The following P2RX2 variants were observed in gnomAD, a reference collection of about 807,000 sequenced individuals.
The protein encoded by P2RX2 is purinergic receptor P2X 2, also known as P2X purinoceptor 2.
In P2RX2, 50 loss-of-function variants were observed where a neutral mutation model predicts 54.8. That is an observed-to-expected ratio of 0.91 (90% CI 0.73 to 1.15). P2RX2 has a LOEUF of 1.15. Among genes scored for constraint, P2RX2 ranks in the 50% most tolerant of loss-of-function variants. P2RX2 has a pLI of 0.00. For missense variants in P2RX2, 658 were observed against 633.2 expected (o/e 1.04, Z -0.42); for synonymous variants, 289 against 259.4 (o/e 1.11, Z -1.09).
In P2RX2 at chr12:132,621,945, A is replaced by G; in HGVS notation, c.1389A>G (p.Thr463=). 6.2e-7 allele frequency: 1 copy of G among 1,613,798 alleles called. No individual in the cohort carries two copies. Among genetic ancestry groups the G allele is most frequent in the Non-Finnish European group, 8.5e-7 (1 of 1,180,022 alleles). The part of the protein sequence containing the change: ...ASEPAQASTP[T]DPKGLAQL The stretch of plus-strand genomic sequence containing the variant: ...AGCCTGCCCAAGCCTCCACACCCAC[A>G]GACCCCAAAGGTTTGGCTCAACTCT... The change falls in exon 11 of 11, where the codon ACA becomes ACG. Residue 463 remains threonine, a synonymous_variant. Coordinates refer to ENST00000643471, the MANE Select transcript of P2RX2 (RefSeq NM_170682.4).
Position 132,621,030 on chromosome 12 carries a change from GGACTGT to G in P2RX2, c.808_813del (p.Cys270_Asp271del), listed in dbSNP as rs1272429677. 1 of 1,614,002 alleles carries G rather than the reference GGACTGT, an allele frequency of 6.2e-7. No homozygotes were observed. The highest frequency in any genetic ancestry group is 1.3e-5 in the African/African-American group (1 of 74,898). ...GTGTCATCGGGGTCATTATCAACTG[GGACTGT>G]GACCTGGACCTGCCTGCATCGGAGT... is the stretch of plus-strand genomic sequence containing the variant. On this transcript the variant is annotated inframe_deletion, in exon 8 of 11. Coordinates refer to ENST00000643471, the MANE Select transcript of P2RX2 (RefSeq NM_170682.4).
chr12:132,619,950 T>TGGGCCCCAGGGGGGGGGGGGGGGGG, intron 4 of P2RX2, 31 bp downstream of exon 4: 1 of 859,156 alleles, frequency 1.2e-6, no homozygotes, highest in Non-Finnish European at 1.8e-6. Flanking sequence ...GCTGGGCGGG[T>TGGGCCCCAGGGGGGGGGGGGGGGGG]GGGGCAGGGC....
intron 1 of P2RX2, 49 bp downstream of exon 1, chr12:132,619,038 G>C: frequency 1.9e-6 from 2 of 1,053,042 alleles, no homozygotes; most frequent in Non-Finnish European, 2.4e-6. Context: ...CGCAGGGGAG[G>C]GGCTGGGATT....
rs1402757753 is a variant in P2RX2, at chr12:132,621,913, G to A, written c.1357G>A (p.Ala453Thr). 6.2e-7 allele frequency: 1 copy of A among 1,613,576 alleles called. No homozygotes were observed. The highest frequency in any genetic ancestry group is 8.5e-7 in the Non-Finnish European group (1 of 1,180,016). The change falls in exon 11 of 11, where the codon GCC becomes ACC. Residue 453 changes from alanine (A) to threonine (T), a missense_variant. Transcript: ENST00000643471. The part of the protein sequence containing the change: ...APSEQMVDTP[A>T]SEPAQASTPT... Reference sequence around the variant, plus strand: ...TTCTGAGCAGATGGTGGACACTCCTGCCTCCGAGCCTGCCCAAGCCTCCAC... The same window carrying A: ...TTCTGAGCAGATGGTGGACACTCCTACCTCCGAGCCTGCCCAAGCCTCCAC...
rs114874649 is a variant in P2RX2, at chr12:132,620,542, G to C, written c.733G>C (p.Val245Leu). The change falls in exon 7 of 11, where the codon GTG becomes CTG. Residue 245 changes from valine (V) to leucine (L), a missense_variant. Coordinates refer to ENST00000643471, the MANE Select transcript of P2RX2 (RefSeq NM_170682.4). Reference sequence around the variant, plus strand: ...CCCCATCTTCAAGCTGGGCTTTATCGTGGAGAAGGCTGGGGAGAGCTTCAC... The same window carrying C: ...CCCCATCTTCAAGCTGGGCTTTATCCTGGAGAAGGCTGGGGAGAGCTTCAC... ...YCPIFKLGFI[V>L]EKAGESFTEL... 2 of 1,613,868 alleles carry C rather than the reference G, an allele frequency of 1.2e-6. No homozygotes were observed. The highest frequency in any genetic ancestry group is 8.5e-7 in the Non-Finnish European group (1 of 1,180,016).
Position 132,621,034 on chromosome 12 carries a change from T to G in P2RX2, c.808T>G (p.Cys270Gly). The G allele has an allele frequency of 6.2e-7, 1 of 1,614,152 alleles. No individual in the cohort carries two copies. ...CATCGGGGTCATTATCAACTGGGAC[T>G]GTGACCTGGACCTGCCTGCATCGGA... Reference protein sequence around the residue: ...GVIGVIINWDCDLDLPASECN... With the variant: ...GVIGVIINWDGDLDLPASECN... The change falls in exon 8 of 11, where the codon TGT becomes GGT. Residue 270 changes from cysteine to glycine, a missense_variant. Cys to Gly is a radical substitution (Grantham distance 159). Coordinates refer to ENST00000643471, the MANE Select transcript of P2RX2 (RefSeq NM_170682.4).
rs766978115 is a variant in P2RX2, at chr12:132,621,338, A to G, written c.989A>G (p.His330Arg). 3.1e-6 allele frequency: 5 copies of G among 1,613,992 alleles called. No homozygotes were observed. In the East Asian group the frequency reaches 6.7e-5, roughly 22 times the overall value. ...GGGATCCGCATTGACGTCATTGTGC[A>G]TGGACAGGTGCCTGCACCTGCTGGG... ...AYGIRIDVIV[H>R]GQAGKFSLIP... Residue 330 changes from histidine (H) to arginine (R), a missense_variant, in exon 9 of 11, where the codon CAT (histidine) becomes CGT (arginine). Transcript: ENST00000643471.
chr12:132,619,594 C>A lies in P2RX2; in HGVS notation c.309+20C>A. 6.2e-7 allele frequency: 1 copy of A among 1,601,508 alleles called. No individual in the cohort carries two copies. Among genetic ancestry groups the A allele is most frequent in the Non-Finnish European group, 8.5e-7 (1 of 1,171,600 alleles). On this transcript the variant is annotated intron_variant, in intron 2 of 10. Coordinates refer to ENST00000643471, the MANE Select transcript of P2RX2 (RefSeq NM_170682.4). The stretch of plus-strand genomic sequence containing the variant: ...CCCGAGGTGCGGGCCGCCCCCTGCC[C>A]CCCGCCCCGCCGTGCACCCTACCCT...
chr12:132,619,918 C>T lies in P2RX2; in HGVS notation c.456C>T (p.Asn152=), dbSNP rs1200573066. 4 of 958,950 alleles carry T rather than the reference C, an allele frequency of 4.2e-6. No individual in the cohort carries two copies. The highest frequency in any genetic ancestry group is 3.4e-5 in the African/African-American group (2 of 59,656). 59.4% of individuals were successfully genotyped at this position (958,950 alleles called of 1,614,324 possible). A position where few individuals can be genotyped will look rare whatever the true frequency, so the allele number is the denominator to read the frequency against. The change falls in exon 4 of 11, where the codon AAC becomes AAT. Residue 152 remains asparagine, a splice_region_variant and synonymous_variant. Coordinates refer to ENST00000643471, the MANE Select transcript of P2RX2 (RefSeq NM_170682.4). ...CTGGGGAGCTGGACATGCTGGGAAA[C>T]GGTCGGTGTGCGCCAGCTGGGGCTG... ...CVAGELDMLG[N]GLRTGRCVPY... is the part of the protein sequence containing the mutation.
In P2RX2 at chr12:132,622,360, TACTC is replaced by T; in HGVS notation, c.*390_*393del. ...GACTCTTCCCTTAGAAGTCACAACATACTCAGTCCAATAAACCTGTGAGCAGAAC... is the reference window on the plus strand; with the variant it reads ...GACTCTTCCCTTAGAAGTCACAACATAGTCCAATAAACCTGTGAGCAGAAC... On this transcript the variant is annotated 3_prime_UTR_variant, in exon 11 of 11. Coordinates refer to ENST00000643471, the MANE Select transcript of P2RX2 (RefSeq NM_170682.4). 2.6e-6 allele frequency: 1 copy of T among 377,460 alleles called. No individual in the cohort carries two copies. The allele number at this position is 377,460 out of a possible 1,614,324, so 23.4% of individuals were successfully genotyped here.
At position 132,621,657 on chromosome 12, in the gene P2RX2, G is replaced by C. The variant is rs774485135; in HGVS notation, c.1101G>C (p.Met367Ile). 24 of 1,613,666 alleles carry C rather than the reference G, an allele frequency of 1.5e-5. No homozygotes were observed. Among genetic ancestry groups the C allele is most frequent in the Non-Finnish European group, 1.9e-5 (22 of 1,179,884 alleles). ...FLCDWILLTF[M>I]NKNKVYSHKK... ...GCGACTGGATCTTGCTAACATTCAT[G>C]AACAAAAACAAGGTCTACAGCCATA... The change falls in exon 11 of 11, where the codon ATG (methionine) becomes ATC (isoleucine). Residue 367 changes from methionine (M) to isoleucine (I), a missense_variant. Coordinates refer to ENST00000643471, the MANE Select transcript of P2RX2 (RefSeq NM_170682.4).
rs2041563044 is a variant in P2RX2 at position 132,619,758 on chromosome 12, G to A, written c.381+8G>A. 5 of 1,610,072 alleles carry A rather than the reference G, an allele frequency of 3.1e-6. No homozygotes were observed. Among genetic ancestry groups the A allele is most frequent in the East Asian group, 2.2e-5 (1 of 44,840 alleles). On this transcript the variant is annotated splice_region_variant and intron_variant, in intron 3 of 10. Transcript: ENST00000643471. ...CAGGGAACCTGCCCCGAGGTGAGGG[G>A]ATCCCGCGGCGCTGGGGGACCCCGC...
At chr12:132,620,609 G>A (rs766674538) in intron 7 of P2RX2, 26 bp downstream of exon 7, 2 of 1,605,654 alleles carry the variant, frequency 1.2e-6, no homozygotes, top group Admixed American at 3.3e-5. Context: ...GCAGGGTGGG[G>A]CCAGGGTGGG....
At chr12:132,620,732 G>C in intron 7 of P2RX2, 149 bp downstream of exon 7, 1 of 1,070,608 alleles carries the variant, frequency 9.3e-7, no homozygotes, top group East Asian at 2.5e-5. Flanking sequence ...CAACCCATCC[G>C]GTGTGGCGCT....
chr12:132,621,357 T>C lies in P2RX2; in HGVS notation c.996+12T>C. On this transcript the variant is annotated intron_variant, in intron 9 of 10. Transcript: ENST00000643471. ...TTGTGCATGGACAGGTGCCTGCACC[T>C]GCTGGGGGTGGGTGGCCAGCCCTGC... 6.2e-7 allele frequency: 1 copy of C among 1,613,842 alleles called. No homozygotes were observed.
Position 132,620,906 on chromosome 12 carries a change from CTTGTG to C in P2RX2, c.775-94_775-90del. ...GCTCTCGAGGGGCCTCTCGTGTGCC[CTTGTG>C]ACCCCCTTCCCTGGCCTGGGACTGA... is the stretch of plus-strand genomic sequence containing the variant. On this transcript the variant is annotated intron_variant, in intron 7 of 10. Transcript: ENST00000643471. The C allele has an allele frequency of 4.7e-4, 82 of 176,016 alleles. 38 individuals carry two copies. The highest frequency in any genetic ancestry group is 4.8e-3 in the Middle Eastern group (2 of 414). The allele number at this position is 176,016 out of a possible 1,614,324, so 10.9% of individuals were successfully genotyped here.
chr12:132,620,005 AG>A lies in P2RX2; in HGVS notation c.465del (p.Thr156LeufsTer68). On this transcript the variant is annotated frameshift_variant, in exon 5 of 11. Coordinates refer to ENST00000643471, the MANE Select transcript of P2RX2 (RefSeq NM_170682.4). LOFTEE classifies it high-confidence loss of function. ...GELDMLGNGL[R>X]TGRCVPYYQG... ...CAGTGACCTCTGCCTCCCAGGCCTG[AG>A]GACTGGGCGCTGTGTGCCCTATTAC... is the stretch of plus-strand genomic sequence containing the variant. 6 of 1,584,370 alleles carry A rather than the reference AG, an allele frequency of 3.8e-6. No homozygotes were observed. Among genetic ancestry groups the A allele is most frequent in the Non-Finnish European group, 5.1e-6 (6 of 1,167,074 alleles).
At position 132,620,104 on chromosome 12, in the gene P2RX2, T is replaced by G; in HGVS notation, c.554+8T>G. On this transcript the variant is annotated splice_region_variant and intron_variant, in intron 5 of 10. Transcript: ENST00000643471. The stretch of plus-strand genomic sequence containing the variant: ...AGATGGGGCCTCTGTCAGGTGCACC[T>G]GCGCCCCGGCCTGGGGCCCAGCCTC... The G allele has an allele frequency of 6.4e-7, 1 of 1,563,482 alleles. No individual in the cohort carries two copies. The highest frequency in any genetic ancestry group is 8.7e-7 in the Non-Finnish European group (1 of 1,153,928).
At chr12:132,619,392 A>G (rs751621309) in intron 1 of P2RX2, 47 bp from the exon 2 acceptor site, 15 of 1,606,414 alleles carry the variant, frequency 9.3e-6, no homozygotes, top group Non-Finnish European at 7.6e-6. Flanking sequence ...GGCGGGACTC[A>G]GCCTTCCCAG....
Sources: gnomAD v4.1 joint callset for allele counts on GRCh38, gnomAD v4.1.1 for gene constraint, MANE v1.5 for transcripts, NCBI Gene and HGNC (gene_info 2026-07-23, HGNC 2026-07-21) for gene names.